Variants in CDC14A observed in about 807,000 individuals in gnomAD.
CDC14A encodes dual specificity protein phosphatase CDC14A.
A neutral mutation model predicts 74.4 loss-of-function variants in CDC14A; 53 were observed. The ratio of observed to expected loss-of-function variants is 0.71; its 90% confidence interval spans 0.57 to 0.89. The LOEUF (loss-of-function observed/expected upper bound fraction) is 0.89. CDC14A is among the 40% of genes least tolerant of loss of function. The probability of loss-of-function intolerance (pLI) is 0.00; values close to 1 mark genes in which losing one functional copy is unlikely to be tolerated. For missense variants in CDC14A, 646 were observed against 713.7 expected (o/e 0.91, Z 1.08); for synonymous variants, 247 against 258.4 (o/e 0.96, Z 0.43).
intron 10 of CDC14A, among the ~76,000 whole-genome samples, chr1:100,469,873 A>G (rs1668221819): frequency 6.6e-6 from 1 of 152,180 alleles, no homozygotes; most frequent in South Asian, 2.1e-4. Context: ...ATATCTCAAA[A>G]TAGTAAGAGA....
At chr1:100,375,668 G>C (rs1655128403) in intron 2 of CDC14A, among the ~76,000 whole-genome samples, 1 of 152,176 alleles carries the variant, frequency 6.6e-6, no homozygotes, top group South Asian at 2.1e-4. Context: ...GAGAGGATGT[G>C]GAGAAATAGG....
intron 4 of CDC14A, among the ~76,000 whole-genome samples, chr1:100,414,308 C>T: frequency 6.6e-6 from 1 of 152,114 alleles, no homozygotes; most frequent in East Asian, 1.9e-4. Context: ...CTACTTTAAA[C>T]AACAACAACA....
At chr1:100,391,905 A>G (rs758920619) in intron 4 of CDC14A, among the ~76,000 whole-genome samples, 8 of 152,232 alleles carry the variant, frequency 5.3e-5, no homozygotes, top group Non-Finnish European at 7.3e-5. Context: ...TGTAGCTGCA[A>G]TAAACCCTTG....
chr1:100,487,561 A>AAAAC (rs1553195557), intron 11 of CDC14A, among the ~76,000 whole-genome samples: 6 of 63,802 alleles, frequency 9.4e-5, no homozygotes, highest in African/African-American at 2.0e-4. Context: ...CTCGGTCTCA[A>AAAAC]AAACAAAACA....
Position 100,508,731 on chromosome 1 carries a change from C to T in CDC14A, c.1755+9469C>T, listed in dbSNP as rs1293315093. On this transcript the variant is annotated intron_variant, in intron 15 of 15. Transcript: ENST00000336454. The surrounding 1 kb of genome is among the most constrained non-coding windows in gnomAD (Gnocchi z 4.4). ...TTCCCCATGTGGGAGAGCCTGACTCCACCCCTGATTTCAGGCCAGGGGCTT... is the reference window on the plus strand; with the variant it reads ...TTCCCCATGTGGGAGAGCCTGACTCTACCCCTGATTTCAGGCCAGGGGCTT... Among the ~76,000 whole-genome samples the T allele has an allele frequency of 6.6e-6, 1 of 152,172 alleles. No homozygotes were observed. The highest frequency in any genetic ancestry group is 1.9e-4 in the East Asian group (1 of 5,188).
chr1:100,506,873 T>C (rs1649280004), intron 15 of CDC14A, among the ~76,000 whole-genome samples: 1 of 152,204 alleles, frequency 6.6e-6, no homozygotes, highest in African/African-American at 2.4e-5. Flanking sequence ...AAGCAAGTGC[T>C]TTTTATATAC....
intron 9 of CDC14A, among the ~76,000 whole-genome samples, chr1:100,464,261 C>T (rs916145352): frequency 3.9e-5 from 6 of 152,186 alleles, no homozygotes; most frequent in Non-Finnish European, 8.8e-5. Flanking sequence ...CTCTCCCTCC[C>T]CACCCTCCCC....
intron 3 of CDC14A, among the ~76,000 whole-genome samples, chr1:100,386,786 T>C (rs1202333480): frequency 6.6e-6 from 1 of 152,194 alleles, no homozygotes; most frequent in Non-Finnish European, 1.5e-5. Flanking sequence ...TTGACTGGGC[T>C]CATACATAGA....
chr1:100,459,126 C>CACACACACACACACACACACACACAG (rs1279905046), intron 8 of CDC14A, among the ~76,000 whole-genome samples: 24 of 144,676 alleles, frequency 1.7e-4, no homozygotes, highest in African/African-American at 6.0e-4. Flanking sequence ...CACACACACA[C>CACACACACACACACACACACACACAG]AGAGAGAGAG....
At chr1:100,351,988 G>A (rs980639469), upstream of CDC14A, among the ~76,000 whole-genome samples, 6 of 119,778 alleles carry the variant, frequency 5.0e-5, no homozygotes, top group Non-Finnish European at 9.1e-5. Flanking sequence ...GTGTGTGTGT[G>A]TGTGTGTGTG....
chr1:100,385,768 A>G (rs1206510387), intron 3 of CDC14A, among the ~76,000 whole-genome samples: 1 of 151,972 alleles, frequency 6.6e-6, no homozygotes, highest in African/African-American at 2.4e-5. Context: ...ATTAAACTGG[A>G]CCCCTCTGGT....
At chr1:100,355,467 G>T (rs980963100) in intron 2 of CDC14A, among the ~76,000 whole-genome samples, 2 of 152,076 alleles carry the variant, frequency 1.3e-5, no homozygotes, top group Non-Finnish European at 2.9e-5. Context: ...GATAGATGAG[G>T]GAAATTTTTA....
At chr1:100,428,508 T>G (rs1663217062) in intron 5 of CDC14A, among the ~76,000 whole-genome samples, 1 of 152,204 alleles carries the variant, frequency 6.6e-6, no homozygotes, top group South Asian at 2.1e-4. Flanking sequence ...GAGTTTGAAT[T>G]GACAATCTAG....
intron 2 of CDC14A, among the ~76,000 whole-genome samples, chr1:100,370,702 G>C: frequency 6.6e-6 from 1 of 152,098 alleles, no homozygotes; most frequent in East Asian, 1.9e-4. Flanking sequence ...ATGCTGTTTT[G>C]GTTATTATAG....
intron 4 of CDC14A, among the ~76,000 whole-genome samples, chr1:100,392,863 A>G (rs1207173774): frequency 6.6e-6 from 1 of 152,198 alleles, no homozygotes; most frequent in African/African-American, 2.4e-5. Context: ...TAGACATTTT[A>G]ATTCTGTTGA....
upstream of CDC14A, among the ~76,000 whole-genome samples, chr1:100,349,304 ACTCT>A (rs1557668235): frequency 6.6e-6 from 1 of 151,786 alleles, no homozygotes; most frequent in African/African-American, 2.4e-5. Context: ...CGATATGTAA[ACTCT>A]CTTAGTATTT....
intron 2 of CDC14A, among the ~76,000 whole-genome samples, chr1:100,360,436 G>A (rs929021529): frequency 2.7e-5 from 4 of 149,676 alleles, no homozygotes; most frequent in East Asian, 2.0e-4. Flanking sequence ...CTCCACCTCC[G>A]GGGTTCAAGC....
intron 13 of CDC14A, among the ~76,000 whole-genome samples, chr1:100,497,727 C>G (rs1219723000): frequency 4.6e-5 from 7 of 152,202 alleles, no homozygotes. Context: ...AGGATCATGG[C>G]TAAGAGCAGG....
chr1:100,471,484 G>A (rs7529253), intron 10 of CDC14A, among the ~76,000 whole-genome samples: 8,664 of 152,156 alleles, frequency 0.057, 835 homozygotes, highest in African/African-American at 0.2. Flanking sequence ...ACAGAAAACC[G>A]AAGAATTTTT....
Sources: gnomAD v4.1 joint callset for allele counts (sites outside exome capture counted in the v4.1 genomes callset) on GRCh38, gnomAD v4.1.1 for gene constraint, Gnocchi (gnomAD v3.1) non-coding constraint, MANE v1.5 for transcripts, NCBI Gene and HGNC (gene_info 2026-07-23, HGNC 2026-07-21) for gene names.